Variants in GPC6 observed in about 807,000 individuals in gnomAD.
GPC6 encodes the protein glypican-6.
Under a neutral mutation model 55.2 loss-of-function variants are expected in GPC6, and 14 were observed. The ratio of observed to expected loss-of-function variants is 0.25; its 90% CI spans 0.17 to 0.40. The LOEUF (loss-of-function observed/expected upper bound fraction) is 0.40, where lower values mean the gene tolerates loss of function less well. GPC6 is among the 10% of genes least tolerant of loss of function. The probability of loss-of-function intolerance (pLI) is 1.00; values close to 1 mark genes in which losing one functional copy is unlikely to be tolerated. For synonymous variants in GPC6, 278 were observed against 259.6 expected, an observed-to-expected ratio of 1.07 and a Z score of -0.68; for missense variants, 641 against 708.5, an observed-to-expected ratio of 0.90 and a Z score of 1.08.
chr13:94,140,908 GATATA>G (rs1279536473), intron 4 of GPC6, among the ~76,000 whole-genome samples: 2 of 151,652 alleles, frequency 1.3e-5, no homozygotes, highest in Non-Finnish European at 2.9e-5. Context: ...TCTTTCAAAT[GATATA>G]ATATAAATAT....
chr13:93,520,208 A>C (rs1354845067), intron 1 of GPC6, among the ~76,000 whole-genome samples: 1 of 151,964 alleles, frequency 6.6e-6, no homozygotes, highest in Non-Finnish European at 1.5e-5. Flanking sequence ...TGGAAAGTGC[A>C]GCTGATATAT....
chr13:93,742,058 C>A (rs1884223114), intron 2 of GPC6, among the ~76,000 whole-genome samples: 1 of 152,134 alleles, frequency 6.6e-6, no homozygotes, highest in Admixed American at 6.5e-5. Flanking sequence ...AGGATTAATT[C>A]ACCCTCCATA....
At chr13:94,283,761 A>ATTAGCTGACATACTGTAACTGTCC (rs1448035972) in intron 4 of GPC6, among the ~76,000 whole-genome samples, 2 of 152,244 alleles carry the variant, frequency 1.3e-5, no homozygotes, top group African/African-American at 4.8e-5. Flanking sequence ...TCTGCTGATC[A>ATTAGCTGACATACTGTAACTGTCC]TTAGCTGACA....
intron 4 of GPC6, among the ~76,000 whole-genome samples, chr13:94,033,795 G>T (rs1419353318): frequency 6.6e-6 from 1 of 151,748 alleles, no homozygotes; most frequent in Non-Finnish European, 1.5e-5. Flanking sequence ...TTAAACCAAA[G>T]AAAAAGAAAA....
At chr13:93,844,437 G>A (rs559296174) in intron 3 of GPC6, among the ~76,000 whole-genome samples, 34 of 152,112 alleles carry the variant, frequency 2.2e-4, no homozygotes, top group African/African-American at 5.8e-4. Context: ...ACGCCTGGCC[G>A]GTAAACACTA....
At chr13:93,929,307 T>G (rs1878031434) in intron 3 of GPC6, among the ~76,000 whole-genome samples, 1 of 152,226 alleles carries the variant, frequency 6.6e-6, no homozygotes, top group Non-Finnish European at 1.5e-5. Context: ...ACAGTGGTAT[T>G]TATCTTCCAC....
chr13:94,013,120 T>C (rs778814451), intron 3 of GPC6, among the ~76,000 whole-genome samples: 2 of 152,134 alleles, frequency 1.3e-5, no homozygotes, highest in Non-Finnish European at 2.9e-5. Context: ...TGGGTAAACA[T>C]ATTAGAAAGC....
rs560638013 is a variant in GPC6, at chr13:93,508,716, T to C, written c.161-36547T>C. Among the ~76,000 whole-genome samples, 3 of 152,344 alleles carry C rather than the reference T, an allele frequency of 2.0e-5. No individual in the cohort carries two copies. The South Asian group carries it at 6.2e-4, about 32-fold the overall frequency. ...TCTGTTCCTAAAGGTAGAGAGGTAT[T>C]GTCTTCCTAGGCATCAGTACAGTCG... On this transcript the variant is annotated intron_variant, in intron 1 of 8. Coordinates refer to ENST00000377047, the MANE Select transcript of GPC6 (RefSeq NM_005708.5).
At chr13:94,025,068 A>G (rs1434014159) in intron 3 of GPC6, among the ~76,000 whole-genome samples, 1 of 152,246 alleles carries the variant, frequency 6.6e-6, no homozygotes, top group Non-Finnish European at 1.5e-5. Context: ...TCTCAAATTT[A>G]TATCCCCAAT....
At chr13:94,146,741 A>T (rs1041883327) in intron 4 of GPC6, among the ~76,000 whole-genome samples, 1 of 152,160 alleles carries the variant, frequency 6.6e-6, no homozygotes, top group Non-Finnish European at 1.5e-5. Context: ...GTTGTTGTAT[A>T]TCAAAAGTGA....
chr13:94,116,312 G>A (rs558867089), intron 4 of GPC6, among the ~76,000 whole-genome samples: 250 of 152,040 alleles, frequency 1.6e-3, no homozygotes, highest in Middle Eastern at 3.4e-3. Flanking sequence ...TTGGTGTTAC[G>A]GTGGTGAACG....
At chr13:93,776,120 A>G (rs921920725) in intron 2 of GPC6, among the ~76,000 whole-genome samples, 32 of 12,526 alleles carry the variant, frequency 2.6e-3, no homozygotes, top group African/African-American at 0.02. Context: ...CTGGAGAGAA[A>G]CACCCAAGTA....
In GPC6 at chr13:94,374,208, A is replaced by G. The variant is rs888220761; in HGVS notation, c.1153-8206A>G. Among the ~76,000 whole-genome samples, 223 of 150,242 alleles carry G rather than the reference A, an allele frequency of 1.5e-3. 1 individual carries two copies. Among genetic ancestry groups the G allele is most frequent in the African/African-American group, 5.2e-3 (213 of 41,252 alleles). Reference sequence around the variant, plus strand: ...CATAATGACAGGATCAAATTCACACATAACAATATTAACTTTAAATGTAAA... The same window carrying G: ...CATAATGACAGGATCAAATTCACACGTAACAATATTAACTTTAAATGTAAA... On this transcript the variant is annotated intron_variant, in intron 6 of 8. Coordinates refer to ENST00000377047, the MANE Select transcript of GPC6 (RefSeq NM_005708.5).
chr13:93,460,980 G>A (rs992998861), intron 1 of GPC6, among the ~76,000 whole-genome samples: 4 of 152,070 alleles, frequency 2.6e-5, no homozygotes, highest in African/African-American at 7.2e-5. Flanking sequence ...TAAAATGAGG[G>A]CTCCATCAGC....
At chr13:94,100,085 A>G (rs1255653861) in intron 4 of GPC6, among the ~76,000 whole-genome samples, 1 of 152,164 alleles carries the variant, frequency 6.6e-6, no homozygotes, top group Non-Finnish European at 1.5e-5. Flanking sequence ...AAACCTTCAC[A>G]TGTACCCCTG....
intron 1 of GPC6, among the ~76,000 whole-genome samples, chr13:93,496,390 C>A (rs998520800): frequency 6.6e-6 from 1 of 152,068 alleles, no homozygotes; most frequent in Non-Finnish European, 1.5e-5. Flanking sequence ...GCTCGCGCAC[C>A]CACTGGCCTG....
chr13:93,771,856 A>C (rs142921614), intron 2 of GPC6, among the ~76,000 whole-genome samples: 1 of 152,320 alleles, frequency 6.6e-6, no homozygotes, highest in East Asian at 1.9e-4. Context: ...ATAAATTTTA[A>C]GCCTGTGGGG....
chr13:93,489,889 A>T (rs537711451), intron 1 of GPC6, among the ~76,000 whole-genome samples: 1 of 151,546 alleles, frequency 6.6e-6, no homozygotes, highest in African/African-American at 2.4e-5. Flanking sequence ...GGGTTTTCTA[A>T]ATATACAATC....
At chr13:93,588,284 C>T (rs1430483309) in intron 2 of GPC6, among the ~76,000 whole-genome samples, 1 of 151,984 alleles carries the variant, frequency 6.6e-6, no homozygotes, top group African/African-American at 2.4e-5. Flanking sequence ...ATTCAAGTTC[C>T]CATCTCCAAA....
Sources: gnomAD v4.1 joint callset for allele counts (sites outside exome capture counted in the v4.1 genomes callset) on GRCh38, gnomAD v4.1.1 for gene constraint, MANE v1.5 for transcripts, NCBI Gene and HGNC (gene_info 2026-07-23, HGNC 2026-07-21) for gene names.